The following TCF4 variants were observed in gnomAD, a reference collection of about 807,000 sequenced individuals.
TCF4 encodes SL3-3 enhancer factor 2.
Under a neutral mutation model 82.1 loss-of-function variants are expected in TCF4, and 3 were observed. The observed-to-expected ratio is 0.04, with a 90% CI of 0.02 to 0.09. The LOEUF is 0.09. Among genes scored for constraint, TCF4 ranks in the 10% least tolerant of loss-of-function variants. TCF4 has a pLI of 1.00. For synonymous variants in TCF4, 276 were observed against 309.6 expected (o/e 0.89, Z 1.14); for missense variants, 518 against 852.7 (o/e 0.61, Z 4.89).
intron 1 of TCF4, among the ~76,000 whole-genome samples, chr18:55,587,824 G>A (rs866499713): frequency 6.8e-6 from 1 of 147,258 alleles, no homozygotes; most frequent in Non-Finnish European, 1.5e-5. Flanking sequence ...CAAAGTCCTC[G>A]GTCCCTCCGA....
intron 3 of TCF4, among the ~76,000 whole-genome samples, chr18:55,553,834 G>C (rs947345033): frequency 6.6e-6 from 1 of 152,044 alleles, no homozygotes; most frequent in African/African-American, 2.4e-5. Flanking sequence ...ACCCTAGATA[G>C]TATCAAGACC....
intron 3 of TCF4, among the ~76,000 whole-genome samples, chr18:55,553,796 A>G (rs988838362): frequency 2.6e-5 from 4 of 152,180 alleles, no homozygotes; most frequent in Non-Finnish European, 5.9e-5. Context: ...GTCCTAAAAT[A>G]AGACTCACAG....
At chr18:55,395,798 T>C (rs2093452264) in intron 6 of TCF4, among the ~76,000 whole-genome samples, 1 of 152,208 alleles carries the variant, frequency 6.6e-6, no homozygotes, top group African/African-American at 2.4e-5. Flanking sequence ...TAAGAAAGTG[T>C]TCACGCTGTT....
chr18:55,490,867 T>C (rs1288259405), intron 3 of TCF4, among the ~76,000 whole-genome samples: 2 of 152,118 alleles, frequency 1.3e-5, no homozygotes, highest in East Asian at 1.9e-4. Context: ...TATAGAAATG[T>C]TGACATAGAA....
intron 8 of TCF4, among the ~76,000 whole-genome samples, chr18:55,347,331 G>T (rs1312187125): frequency 6.6e-6 from 1 of 151,978 alleles, no homozygotes; most frequent in East Asian, 1.9e-4. Flanking sequence ...CTTTCACACA[G>T]GCTTTCCTTT....
intron 8 of TCF4, among the ~76,000 whole-genome samples, chr18:55,337,458 CAG>C: frequency 6.6e-6 from 1 of 152,170 alleles, no homozygotes; most frequent in East Asian, 1.9e-4. Flanking sequence ...TCTTTGCAAA[CAG>C]AGAAATGGGA....
intron 5 of TCF4, among the ~76,000 whole-genome samples, chr18:55,418,684 G>C (rs2094610273): frequency 6.6e-6 from 1 of 152,154 alleles, no homozygotes; most frequent in Admixed American, 6.5e-5. Context: ...ACACAGCTAT[G>C]AAAGAGAAGA....
rs1342346763 is a variant in TCF4 at position 55,545,246 on chromosome 18, T to G, written c.145+40034A>C. Among the ~76,000 whole-genome samples, 4 of 152,294 alleles carry G rather than the reference T, an allele frequency of 2.6e-5. No individual in the cohort carries two copies. The East Asian group carries it at 7.7e-4, about 29-fold the overall frequency. The stretch of plus-strand genomic sequence containing the variant: ...GAATCTGTCACATAAAAAATGCCAC[T>G]TAGTATTCTGTGTGTATGCATACAT... On this transcript the variant is annotated intron_variant, in intron 3 of 19. Transcript: ENST00000354452.
intron 6 of TCF4, among the ~76,000 whole-genome samples, chr18:55,399,876 TCTCTCACACACACA>T (rs1330131083): frequency 2.4e-4 from 28 of 118,580 alleles, no homozygotes; most frequent in South Asian, 5.6e-4. Context: ...TCTCTCTCTC[TCTCTCACACACACA>T]CACACACACA....
At chr18:55,448,898 A>G (rs1479824835) in intron 5 of TCF4, among the ~76,000 whole-genome samples, 2 of 152,200 alleles carry the variant, frequency 1.3e-5, no homozygotes, top group Non-Finnish European at 2.9e-5. Flanking sequence ...AAGGGGCAAA[A>G]TCTCATTAAC....
chr18:55,400,693 T>G (rs1439543046), intron 6 of TCF4, among the ~76,000 whole-genome samples: 1 of 152,142 alleles, frequency 6.6e-6, no homozygotes, highest in East Asian at 1.9e-4. Flanking sequence ...ATATCTATTT[T>G]TAACTTGATA....
chr18:55,635,656 T>C, intron 1 of TCF4: 1 of 1,516,564 alleles, frequency 6.6e-7, no homozygotes, highest in Non-Finnish European at 8.8e-7. Context: ...CATTTTTGGT[T>C]TCAGTTTCTA....
At chr18:55,263,445 A>G (rs550099910) in intron 11 of TCF4, among the ~76,000 whole-genome samples, 1 of 152,266 alleles carries the variant, frequency 6.6e-6, no homozygotes, top group African/African-American at 2.4e-5. Flanking sequence ...TTCTGCATTA[A>G]GGAGTCCTTT....
chr18:55,307,377 T>G (rs2070721820), intron 8 of TCF4, among the ~76,000 whole-genome samples: 2 of 152,218 alleles, frequency 1.3e-5, no homozygotes, highest in Admixed American at 6.5e-5. Flanking sequence ...CTATTTTATA[T>G]TAATTACCTC....
chr18:55,410,610 C>G (rs2094304493), intron 5 of TCF4, among the ~76,000 whole-genome samples: 1 of 152,020 alleles, frequency 6.6e-6, no homozygotes, highest in African/African-American at 2.4e-5. Flanking sequence ...GTTAAAAAGG[C>G]TGCACAGATA....
chr18:55,509,517 T>C (rs1351781592), intron 3 of TCF4, among the ~76,000 whole-genome samples: 1 of 152,048 alleles, frequency 6.6e-6, no homozygotes, highest in Non-Finnish European at 1.5e-5. Flanking sequence ...ATAAACCAAA[T>C]TGCGTTTAAA....
intron 3 of TCF4, among the ~76,000 whole-genome samples, chr18:55,566,928 C>T (rs1203622305): frequency 6.6e-6 from 1 of 152,086 alleles, no homozygotes; most frequent in African/African-American, 2.4e-5. Flanking sequence ...CAAATAGATA[C>T]ATTACAGTAA....
At chr18:55,262,831 G>A (rs1268217334) in intron 11 of TCF4, among the ~76,000 whole-genome samples, 2 of 152,090 alleles carry the variant, frequency 1.3e-5, no homozygotes, top group African/African-American at 2.4e-5. Context: ...TTTTGAGATG[G>A]AGTCTTGTTC....
At chr18:55,602,514 T>A (rs1404418006) in intron 2 of TCF4, among the ~76,000 whole-genome samples, 1 of 152,224 alleles carries the variant, frequency 6.6e-6, no homozygotes, top group Admixed American at 6.5e-5. Flanking sequence ...GTAGCTTACC[T>A]CAAAATTAAA....
Sources: gnomAD v4.1 joint callset for allele counts (sites outside exome capture counted in the v4.1 genomes callset) on GRCh38, gnomAD v4.1.1 for gene constraint, MANE v1.5 for transcripts, NCBI Gene and HGNC (gene_info 2026-07-23, HGNC 2026-07-21) for gene names.